ARID1A: variants seen among roughly 807,000 people sequenced by gnomAD.
The protein encoded by ARID1A is AT-rich interactive domain-containing protein 1A.
Under a neutral mutation model 212.6 loss-of-function variants are expected in ARID1A, and 20 were observed. The ratio of observed to expected loss-of-function variants is 0.09; its 90% CI spans 0.07 to 0.14. ARID1A has a LOEUF of 0.14. Ranked by LOEUF, ARID1A falls within the 10% of genes least tolerant of loss-of-function variation. The pLI, the probability that ARID1A is intolerant of heterozygous loss-of-function variation, is 1.00. For missense variants in ARID1A, 2,587 were observed against 3,059.0 expected (o/e 0.85, Z 3.64); for synonymous variants, 1,376 against 1,222.1 (o/e 1.13, Z -2.63).
chr1:26,731,094 C>A, intron 2 of ARID1A, 58 bp from the exon 3 acceptor site: 1 of 1,534,010 alleles, frequency 6.5e-7, no homozygotes, highest in Non-Finnish European at 9.0e-7. Flanking sequence ...TCACAAAACA[C>A]TTCATCTTTC....
intron 8 of ARID1A, among the ~76,000 whole-genome samples, chr1:26,763,659 A>G (rs1306518685): frequency 2.0e-5 from 3 of 152,168 alleles, no homozygotes; most frequent in African/African-American, 7.2e-5. Context: ...AATCCCGGCT[A>G]TCGGGAGGCT....
Position 26,696,354 on chromosome 1 carries a change from A to T in ARID1A, c.-50A>T. 8.3e-7 allele frequency: 1 copy of T among 1,200,210 alleles called. No individual in the cohort carries two copies. Among genetic ancestry groups the T allele is most frequent in the Non-Finnish European group, 1.0e-6 (1 of 970,700 alleles). The allele number at this position is 1,200,210 out of a possible 1,614,324, so 74.3% of individuals were successfully genotyped here. On this transcript the variant is annotated 5_prime_UTR_variant, in exon 1 of 20. Transcript: ENST00000324856. ...CCCCGGGGCGGGGTGGGAGGGGGGGAGAAGACGAAGACAGGGCCGGGTCTC... is the reference window on the plus strand; with the variant it reads ...CCCCGGGGCGGGGTGGGAGGGGGGGTGAAGACGAAGACAGGGCCGGGTCTC...
chr1:26,741,923 T>A lies in ARID1A; in HGVS notation c.1920+9131T>A, dbSNP rs189960823. 1.3e-4 allele frequency among the ~76,000 whole-genome samples: 20 copies of A among 152,312 alleles called. No homozygotes were observed. The East Asian group carries it at 3.9e-3, about 29-fold the overall frequency. On this transcript the variant is annotated intron_variant, in intron 4 of 19. Transcript: ENST00000324856. ...AGGGAGCTATGCTGTCCCTGTAGAATCCAGATTTTAGAGGGCAGGAGTAAG... is the reference window on the plus strand; with the variant it reads ...AGGGAGCTATGCTGTCCCTGTAGAAACCAGATTTTAGAGGGCAGGAGTAAG...
intron 1 of ARID1A, among the ~76,000 whole-genome samples, chr1:26,709,395 C>T (rs1172365314): frequency 1.3e-5 from 2 of 152,094 alleles, no homozygotes; most frequent in African/African-American, 4.8e-5. Context: ...GCACCCAGCA[C>T]CCCTGGAATG....
At chr1:26,717,034 G>C (rs1413371183) in intron 1 of ARID1A, among the ~76,000 whole-genome samples, 1 of 152,140 alleles carries the variant, frequency 6.6e-6, no homozygotes, top group African/African-American at 2.4e-5. Context: ...CAAAAAAGGC[G>C]CTTTCATACA....
rs761598513 is a variant in ARID1A, at chr1:26,775,178, C to T, written c.4951C>T (p.Pro1651Ser). 2 of 1,607,150 alleles carry T rather than the reference C, an allele frequency of 1.2e-6. No individual in the cohort carries two copies. Residue 1651 changes from proline (P) to serine (S), a missense_variant, in exon 18 of 20, where the codon CCT (proline) becomes TCT (serine). Physicochemically the swap from Pro to Ser is moderately conservative, Grantham distance 74. This residue lies in a region of ARID1A where 890 missense variants were observed against 1,098.2 expected (regional missense o/e 0.81). Transcript: ENST00000324856. The stretch of plus-strand genomic sequence containing the variant: ...ACCTGGCTCTGTTGAAGCCACACAG[C>T]CTGTGTTGAAGCAGAGGAGGCGGCT... ...FPPGSVEATQ[P>S]VLKQRRRLTM... is the part of the protein sequence containing the mutation.
At chr1:26,723,049 C>T (rs1386576677) in intron 1 of ARID1A, among the ~76,000 whole-genome samples, 2 of 152,060 alleles carry the variant, frequency 1.3e-5, no homozygotes, top group Admixed American at 6.6e-5. Context: ...GGGTTCTTGA[C>T]TAGTCTTCAA....
chr1:26,766,515 C>G lies in ARID1A; in HGVS notation c.2937C>G (p.Thr979=). 1 of 1,613,910 alleles carries G rather than the reference C, an allele frequency of 6.2e-7. No individual in the cohort carries two copies. The highest frequency in any genetic ancestry group is 8.5e-7 in the Non-Finnish European group (1 of 1,179,940). Reference sequence around the variant, plus strand: ...GGGATGTAAAGTTAACTCCAGCCACCAAAATGAACAACAAGGCAGATGGGA... The same window carrying G: ...GGGATGTAAAGTTAACTCCAGCCACGAAAATGAACAACAAGGCAGATGGGA... The part of the protein sequence containing the change: ...GLGDVKLTPA[T]KMNNKADGTP... Residue 979 remains threonine (T), a synonymous_variant, in exon 10 of 20, where the codon ACC becomes ACG. Transcript: ENST00000324856.
Position 26,696,332 on chromosome 1 carries a change from C to T in ARID1A, c.-72C>T, listed in dbSNP as rs1321410838. 666 of 982,188 alleles carry T rather than the reference C, an allele frequency of 6.8e-4. 2 individuals are homozygous for T. The highest frequency in any genetic ancestry group is 5.2e-3 in the Middle Eastern group (13 of 2,502). 60.8% of individuals were successfully genotyped at this position (982,188 alleles called of 1,614,324 possible). The stretch of plus-strand genomic sequence containing the variant: ...GAGGGCAGCCCGGGGGACTGGGCCC[C>T]GGGGCGGGGTGGGAGGGGGGGAGAA... On this transcript the variant is annotated 5_prime_UTR_variant, in exon 1 of 20. Coordinates refer to ENST00000324856, the MANE Select transcript of ARID1A (RefSeq NM_006015.6).
intron 4 of ARID1A, among the ~76,000 whole-genome samples, chr1:26,752,352 C>G (rs554146784): frequency 1.4e-4 from 22 of 152,310 alleles, no homozygotes; most frequent in Non-Finnish European, 2.1e-4. Flanking sequence ...AGTTCTGTAA[C>G]TTTTGGAGTC....
At chr1:26,699,695 CCT>C (rs1234937898) in intron 1 of ARID1A, among the ~76,000 whole-genome samples, 63 of 152,262 alleles carry the variant, frequency 4.1e-4, no homozygotes, top group Middle Eastern at 3.4e-3. Flanking sequence ...GAACCTCTTT[CCT>C]CTCATTCCCC....
intron 1 of ARID1A, among the ~76,000 whole-genome samples, chr1:26,721,384 G>A (rs2080563477): frequency 6.6e-6 from 1 of 152,110 alleles, no homozygotes; most frequent in African/African-American, 2.4e-5. Flanking sequence ...GCTAATATTT[G>A]TATTTTCAGT....
intron 8 of ARID1A, 47 bp downstream of exon 8, chr1:26,763,332 A>G (rs776936308): frequency 2.7e-5 from 41 of 1,520,142 alleles, no homozygotes; most frequent in Non-Finnish European, 3.6e-5. Flanking sequence ...AAAATGTATT[A>G]TAGACCCACT....
intron 4 of ARID1A, among the ~76,000 whole-genome samples, chr1:26,739,996 A>G (rs1033366148): frequency 1.3e-4 from 20 of 151,970 alleles, no homozygotes; most frequent in Non-Finnish European, 2.5e-4. Context: ...TCTTAAAAAA[A>G]AAAAAAAAGA....
In ARID1A at chr1:26,698,429, C is replaced by A. The variant is rs1446897012; in HGVS notation, c.1137+889C>A. On this transcript the variant is annotated intron_variant, in intron 1 of 19. Transcript: ENST00000324856. ...CGCTGCCACTATCTGCCTTTTATTC[C>A]AGAGCTGAAATTGGCTGTGACCTTG... is the stretch of plus-strand genomic sequence containing the variant. 2.0e-5 allele frequency among the ~76,000 whole-genome samples: 3 copies of A among 152,300 alleles called. No homozygotes were observed. The East Asian group carries it at 5.8e-4, about 29-fold the overall frequency.
At chr1:26,717,877 T>A (rs1343419143) in intron 1 of ARID1A, among the ~76,000 whole-genome samples, 1 of 152,170 alleles carries the variant, frequency 6.6e-6, no homozygotes, top group Non-Finnish European at 1.5e-5. Flanking sequence ...AAGAAAGTAT[T>A]CCAGGTAGAA....
At chr1:26,733,410 C>G (rs1051666851) in intron 4 of ARID1A, among the ~76,000 whole-genome samples, 4 of 152,122 alleles carry the variant, frequency 2.6e-5, no homozygotes, top group Admixed American at 2.6e-4. Context: ...GTTCCTGGCT[C>G]TAGCTTCTGC....
At chr1:26,772,345 C>A in intron 12 of ARID1A, 155 bp from the exon 13 acceptor site, 1 of 1,083,502 alleles carries the variant, frequency 9.2e-7, no homozygotes, top group Non-Finnish European at 1.3e-6. Context: ...GTCTTTATGA[C>A]CTGGCCTTGT....
intron 4 of ARID1A, among the ~76,000 whole-genome samples, chr1:26,733,918 A>G (rs2080704455): frequency 6.6e-6 from 1 of 152,358 alleles, no homozygotes; most frequent in African/African-American, 2.4e-5. Context: ...GAAGCCTCCC[A>G]TGGATTCCCC....
Sources: gnomAD v4.1 joint callset for allele counts (sites outside exome capture counted in the v4.1 genomes callset) on GRCh38, gnomAD v4.1.1 for gene constraint, gnomAD v4.1.1 regional missense constraint, MANE v1.5 for transcripts, NCBI Gene and HGNC (gene_info 2026-07-23, HGNC 2026-07-21) for gene names.